The following NXPE4 variants were observed in gnomAD, a reference collection of about 807,000 sequenced individuals.
NXPE4 encodes NXPE family member 4.
NXPE4 carries 42 observed loss-of-function variants against 33.3 expected under a neutral mutation model. The observed-to-expected ratio is 1.26, with a 90% CI of 0.98 to 1.63. NXPE4 has a LOEUF of 1.63. Among genes scored for constraint, NXPE4 ranks in the 40% most tolerant of loss-of-function variants. The pLI is 0.00. For missense variants in NXPE4, 709 were observed against 647.6 expected (o/e 1.09, Z -1.03); for synonymous variants, 253 against 234.9 (o/e 1.08, Z -0.71).
chr11:114,586,548 T>TC (rs1195377553), intron 2 of NXPE4, among the ~76,000 whole-genome samples: 1 of 152,246 alleles, frequency 6.6e-6, no homozygotes, highest in African/African-American at 2.4e-5. Context: ...ACTTAGCTAA[T>TC]CCCCCCATGT....
the NXPE4 span, among the ~76,000 whole-genome samples, chr11:114,624,437 T>C: frequency 1.1e-4 from 16 of 152,156 alleles, no homozygotes; most frequent in African/African-American, 2.9e-4. Context: ...ATAATAATTA[T>C]TGCCTCATGG....
At chr11:114,624,322 G>C in the NXPE4 span, among the ~76,000 whole-genome samples, 40 of 152,138 alleles carry the variant, frequency 2.6e-4, no homozygotes, top group African/African-American at 9.6e-4. Context: ...TTGCCTCATT[G>C]GTAACCACAG....
the NXPE4 span, among the ~76,000 whole-genome samples, chr11:114,640,756 T>C: frequency 2.6e-5 from 4 of 152,056 alleles, no homozygotes; most frequent in Non-Finnish European, 4.4e-5. Flanking sequence ...ATGTCTTCTT[T>C]TGAAAAATGT....
chr11:114,580,065 T>C lies in NXPE4; in HGVS notation c.1099+67A>G, dbSNP rs980935042. On this transcript the variant is annotated intron_variant, in intron 5 of 5. Coordinates refer to ENST00000375478, the MANE Select transcript of NXPE4 (RefSeq NM_001077639.2). ...AAAAGAGGAATTTCCCATATTCCCTTCTCCCCTTTGAAATGGAAAAGAAGT... is the reference window on the plus strand; with the variant it reads ...AAAAGAGGAATTTCCCATATTCCCTCCTCCCCTTTGAAATGGAAAAGAAGT... 1.7e-5 allele frequency: 22 copies of C among 1,326,100 alleles called. No individual in the cohort carries two copies. The African/African-American group carries it at 3.0e-4, about 18-fold the overall frequency. 82.1% of individuals were successfully genotyped at this position (1,326,100 alleles called of 1,614,324 possible).
the NXPE4 span, among the ~76,000 whole-genome samples, chr11:114,608,172 G>A: frequency 2.6e-5 from 4 of 151,722 alleles, no homozygotes; most frequent in African/African-American, 9.7e-5. Context: ...TGGATAATAA[G>A]TATTGCCTCG....
At chr11:114,595,810 A>C (rs1949564652), upstream of NXPE4, 1 of 152,276 alleles carries the variant, frequency 6.6e-6, no homozygotes, top group Admixed American at 6.6e-5. Context: ...GCTCCACCTT[A>C]AGGAGGGGCC....
At chr11:114,635,461 TCTC>T in the NXPE4 span, among the ~76,000 whole-genome samples, 1 of 151,794 alleles carries the variant, frequency 6.6e-6, no homozygotes, top group Non-Finnish European at 1.5e-5. Flanking sequence ...TTTATTTCCT[TCTC>T]CTGCGTAATT....
the NXPE4 span, among the ~76,000 whole-genome samples, chr11:114,641,713 A>G: frequency 6.6e-6 from 1 of 152,084 alleles, no homozygotes; most frequent in African/African-American, 2.4e-5. Context: ...ACAGAATAAA[A>G]CCTAACTCTT....
chr11:114,637,956 C>T, the NXPE4 span, among the ~76,000 whole-genome samples: 1 of 151,912 alleles, frequency 6.6e-6, no homozygotes, highest in Admixed American at 6.6e-5. Context: ...AGTTGCTCTT[C>T]TCGAGGAGTA....
chr11:114,656,449 CA>C, the NXPE4 span, among the ~76,000 whole-genome samples: 1 of 152,080 alleles, frequency 6.6e-6, no homozygotes, highest in African/African-American at 2.4e-5. Flanking sequence ...CGTATGGAAT[CA>C]AAGAAGACCC....
chr11:114,678,151 G>T, the NXPE4 span, among the ~76,000 whole-genome samples: 1,382 of 152,182 alleles, frequency 9.1e-3, 19 homozygotes, highest in African/African-American at 0.032. Context: ...TTCAGGAACC[G>T]TGGACTCAGG....
the NXPE4 span, among the ~76,000 whole-genome samples, chr11:114,644,413 T>C: frequency 6.6e-6 from 1 of 152,178 alleles, no homozygotes; most frequent in Non-Finnish European, 1.5e-5. Flanking sequence ...GCTCTTATTA[T>C]TTTGAGATAT....
chr11:114,604,168 G>T, the NXPE4 span, among the ~76,000 whole-genome samples: 1 of 151,922 alleles, frequency 6.6e-6, no homozygotes, highest in Non-Finnish European at 1.5e-5. Context: ...GTATTGCCTC[G>T]CAGTTAACTA....
chr11:114,602,950 ATC>A, the NXPE4 span, among the ~76,000 whole-genome samples: 2 of 149,998 alleles, frequency 1.3e-5, no homozygotes, highest in East Asian at 3.9e-4. Flanking sequence ...AATCATAATT[ATC>A]TCATATACAA....
intron 2 of NXPE4, among the ~76,000 whole-genome samples, chr11:114,592,053 A>G (rs890601132): frequency 1.3e-5 from 2 of 152,228 alleles, no homozygotes; most frequent in African/African-American, 4.8e-5. Flanking sequence ...ATGTATAACA[A>G]ATCCACAGCT....
At chr11:114,659,627 A>C in the NXPE4 span, among the ~76,000 whole-genome samples, 1 of 152,162 alleles carries the variant, frequency 6.6e-6, no homozygotes, top group Non-Finnish European at 1.5e-5. Flanking sequence ...TTTTAATGAA[A>C]TGAATATGAA....
chr11:114,602,386 C>A, the NXPE4 span, among the ~76,000 whole-genome samples: 1 of 124,652 alleles, frequency 8.0e-6, no homozygotes, highest in Non-Finnish European at 1.6e-5. Context: ...ATATATTATG[C>A]TATATATTAT....
chr11:114,576,978 T>C (rs1439760259), intron 5 of NXPE4, among the ~76,000 whole-genome samples: 2 of 85,498 alleles, frequency 2.3e-5, no homozygotes, highest in Admixed American at 1.3e-4. Context: ...AAGATGTTTA[T>C]ATATATATAT....
At chr11:114,613,100 C>G in the NXPE4 span, among the ~76,000 whole-genome samples, 11 of 137,950 alleles carry the variant, frequency 8.0e-5, no homozygotes, top group African/African-American at 3.1e-4. Flanking sequence ...GCATTGCCTC[C>G]CAGGTAACCA....
Sources: allele counts gnomAD v4.1 joint callset (sites outside exome capture counted in the v4.1 genomes callset), GRCh38; gene constraint gnomAD v4.1.1; transcripts MANE v1.5; gene names NCBI Gene and HGNC (gene_info 2026-07-23, HGNC 2026-07-21).